Variants in SLC12A5 observed in about 807,000 individuals in gnomAD.
SLC12A5 encodes K-Cl cotransporter 2.
In SLC12A5, 18 loss-of-function variants were observed where a neutral mutation model predicts 124.0. The ratio of observed to expected loss-of-function variants is 0.15; its 90% CI spans 0.10 to 0.22. The LOEUF (loss-of-function observed/expected upper bound fraction) is 0.22, where lower values mean the gene tolerates loss of function less well. Ranked by LOEUF, SLC12A5 falls within the 10% of genes least tolerant of loss-of-function variation. SLC12A5 has a pLI of 1.00. For synonymous variants in SLC12A5, 589 were observed against 568.0 expected, an observed-to-expected ratio of 1.04 and a Z score of -0.53; for missense variants, 867 against 1,478.7, an observed-to-expected ratio of 0.59 and a Z score of 6.78.
rs775623932 is a variant in SLC12A5 at position 46,058,346 on chromosome 20, C to G, written c.*741C>G. 3 of 397,896 alleles carry G rather than the reference C, an allele frequency of 7.5e-6. No homozygotes were observed. The highest frequency in any genetic ancestry group is 1.3e-5 in the Non-Finnish European group (3 of 226,056). 24.6% of individuals were successfully genotyped at this position (397,896 alleles called of 1,614,324 possible). A position where few individuals can be genotyped will look rare whatever the true frequency, so the allele number is the denominator to read the frequency against. On this transcript the variant is annotated 3_prime_UTR_variant, in exon 26 of 26. Coordinates refer to ENST00000243964, the MANE Select transcript of SLC12A5 (RefSeq NM_020708.5). The surrounding 1 kb of genome is among the most constrained non-coding windows in gnomAD (Gnocchi z 5.8). The stretch of plus-strand genomic sequence containing the variant: ...TCCCTCGACACCTCCGTCCTGCTCT[C>G]GCCTCTTCGCCCTTTCCGCGCGCCC...
At position 46,051,887 on chromosome 20, in the gene SLC12A5, C is replaced by A; in HGVS notation, c.2377+17C>A. On this transcript the variant is annotated intron_variant, in intron 18 of 25. Transcript: ENST00000243964. ...ACTTCATTGGTAACGCTATTGGGGG[C>A]TGGGGACAGAAGAGGGGTGGGGCTG... The A allele has an allele frequency of 2.1e-6, 1 of 473,166 alleles. No homozygotes were observed. The highest frequency in any genetic ancestry group is 2.9e-5 in the African/African-American group (1 of 34,592). 29.3% of individuals were successfully genotyped at this position (473,166 alleles called of 1,614,324 possible).
In SLC12A5 at chr20:46,059,563, C is replaced by G; in HGVS notation, c.*1958C>G. The G allele has an allele frequency of 2.5e-6, 1 of 399,046 alleles. No homozygotes were observed. Among genetic ancestry groups the G allele is most frequent in the African/African-American group, 2.1e-5 (1 of 48,734 alleles). The allele number at this position is 399,046 out of a possible 1,614,324, so 24.7% of individuals were successfully genotyped here. ...GTGCAGAAGGGGGCTGTATCAACAT[C>G]AATTAGGGAACCAAAGTTGCACTAT... On this transcript the variant is annotated 3_prime_UTR_variant, in exon 26 of 26. Coordinates refer to ENST00000243964, the MANE Select transcript of SLC12A5 (RefSeq NM_020708.5).
At chr20:46,048,422 GA>G (rs1403857520) in intron 16 of SLC12A5, among the ~76,000 whole-genome samples, 2 of 152,154 alleles carry the variant, frequency 1.3e-5, no homozygotes, top group East Asian at 3.9e-4. Flanking sequence ...GGGGATGTAG[GA>G]AGCTCACAGT....
chr20:46,032,363 T>C (rs2084461463), intron 1 of SLC12A5, among the ~76,000 whole-genome samples: 1 of 152,218 alleles, frequency 6.6e-6, no homozygotes, highest in Non-Finnish European at 1.5e-5. Flanking sequence ...CTGGTTGTCC[T>C]GGCCCTAAGA....
At chr20:46,022,658 C>A (rs76362999) in intron 1 of SLC12A5, 23 of 396,472 alleles carry the variant, frequency 5.8e-5, no homozygotes, top group African/African-American at 4.3e-4. Context: ...ACCCACTTAG[C>A]TCCTTGTCTG....
In SLC12A5 at chr20:46,057,634, C is replaced by T. The variant is rs779634251; in HGVS notation, c.*29C>T. ...CCAGGACCTGCCACCCGGGCCCGAG[C>T]GCGCCCGGCCCGCGGCTCCGGAGCC... On this transcript the variant is annotated 3_prime_UTR_variant, in exon 26 of 26. Transcript: ENST00000243964. The surrounding 1 kb of genome is among the most constrained non-coding windows in gnomAD (Gnocchi z 7.1). The T allele has an allele frequency of 6.4e-7, 1 of 1,574,600 alleles. No individual in the cohort carries two copies. Among genetic ancestry groups the T allele is most frequent in the Non-Finnish European group, 8.7e-7 (1 of 1,153,430 alleles).
intron 1 of SLC12A5, chr20:46,022,762 C>G: frequency 2.5e-6 from 1 of 398,520 alleles, no homozygotes; most frequent in Non-Finnish European, 4.4e-6. Flanking sequence ...ATGGAAGTTA[C>G]ACGCAGGGCA....
rs573652381 is a variant in SLC12A5 at position 46,041,615 on chromosome 20, C to A, written c.1066+75C>A. Reference sequence around the variant, plus strand: ...AGGTTAAGCGGTCAGGATTAAGGGGCCCTCCTTGGGATTCAGCTAAATTCA... The same window carrying A: ...AGGTTAAGCGGTCAGGATTAAGGGGACCTCCTTGGGATTCAGCTAAATTCA... On this transcript the variant is annotated intron_variant, in intron 8 of 25. Transcript: ENST00000243964. The A allele has an allele frequency of 4.0e-6, 6 of 1,485,822 alleles. No homozygotes were observed. In the East Asian group the frequency reaches 6.8e-5, roughly 17 times the overall value. 92.0% of individuals were successfully genotyped at this position (1,485,822 alleles called of 1,614,324 possible).
upstream of SLC12A5, chr20:46,027,679 G>A (rs1177462518): frequency 2.6e-5 from 4 of 152,296 alleles, no homozygotes; most frequent in Admixed American, 6.5e-5. Context: ...ATAATCAGAG[G>A]CTGCTGAGGG....
intron 14 of SLC12A5, 84 bp downstream of exon 14, chr20:46,046,520 G>A (rs1472221212): frequency 9.6e-6 from 12 of 1,253,080 alleles, no homozygotes; most frequent in Non-Finnish European, 1.4e-5. Context: ...CATCCCCTCT[G>A]GGTCTAAGGA....
In SLC12A5 at chr20:46,021,930, G is replaced by A. The variant is rs762370321; in HGVS notation, c.48+44G>A. On this transcript the variant is annotated intron_variant, in intron 1 of 2. Coordinates refer to the SLC12A5 transcript ENST00000413737. ...GGGGCCTGCCAGGGCCGGGCGGGAC[G>A]AGGGGGAGGGGCCGGGGCGGACCGT... 10 of 1,467,642 alleles carry A rather than the reference G, an allele frequency of 6.8e-6. No homozygotes were observed. The African/African-American group carries it at 1.3e-4, about 19-fold the overall frequency. 90.9% of individuals were successfully genotyped at this position (1,467,642 alleles called of 1,614,324 possible). A position where few individuals can be genotyped will look rare whatever the true frequency, so the allele number is the denominator to read the frequency against.
intron 11 of SLC12A5, 37 bp downstream of exon 11, chr20:46,043,970 G>A: frequency 2.6e-6 from 4 of 1,556,774 alleles, no homozygotes; most frequent in Non-Finnish European, 3.5e-6. Context: ...CTGGGGGAGG[G>A]GTGGGTATAG....
At chr20:46,051,910 C>A in intron 18 of SLC12A5, 40 bp downstream of exon 18, 1 of 508,338 alleles carries the variant, frequency 2.0e-6, no homozygotes, top group Non-Finnish European at 3.2e-6. Flanking sequence ...AGGGGTGGGG[C>A]TGGGGGCTGT....
intron 2 of SLC12A5, 93 bp downstream of exon 2, chr20:46,035,135 C>G: frequency 7.9e-7 from 1 of 1,273,450 alleles, no homozygotes; most frequent in Non-Finnish European, 1.1e-6. Context: ...GCAATACCCT[C>G]GTCTCCACCC....
Position 46,045,180 on chromosome 20 carries a change from G to A in SLC12A5, c.1569+40G>A, listed in dbSNP as rs1317854157. ...AGAACAGCCCACCCTCAGTAGACCA[G>A]CCAGGCCCCTGCCCAGAGAGACCAC... On this transcript the variant is annotated intron_variant, in intron 12 of 25. Transcript: ENST00000243964. This position sits in a 1 kb window ranked among gnomAD's most constrained non-coding sequence, Gnocchi z 4.9. 5.2e-6 allele frequency: 8 copies of A among 1,525,598 alleles called. No homozygotes were observed. The highest frequency in any genetic ancestry group is 1.3e-5 in the South Asian group (1 of 78,234). 94.5% of individuals were successfully genotyped at this position (1,525,598 alleles called of 1,614,324 possible).
chr20:46,029,088 A>G, upstream of SLC12A5: 2 of 1,305,566 alleles, frequency 1.5e-6, no homozygotes, highest in Non-Finnish European at 2.0e-6. Context: ...CTCTCCCCCC[A>G]AAACCCCGCC....
chr20:46,054,735 C>T (rs1029555286), intron 20 of SLC12A5, among the ~76,000 whole-genome samples, 181 bp from the exon 21 acceptor site: 1 of 152,212 alleles, frequency 6.6e-6, no homozygotes, highest in African/African-American at 2.4e-5. Flanking sequence ...ATTGCCCTCT[C>T]TGCTACGTCC....
chr20:46,048,888 T>G (rs2084624077), intron 16 of SLC12A5, among the ~76,000 whole-genome samples: 2 of 149,092 alleles, frequency 1.3e-5, no homozygotes. Context: ...AGGGGGAAAT[T>G]GGAGGTCAGA....
At chr20:46,029,173 C>T (rs989014428), upstream of SLC12A5, 11 of 1,422,302 alleles carry the variant, frequency 7.7e-6, no homozygotes, top group African/African-American at 8.9e-5. Context: ...CGGGTGTGAG[C>T]GTGTGTCCGT....
Sources: allele counts gnomAD v4.1 joint callset (sites outside exome capture counted in the v4.1 genomes callset), GRCh38; gene constraint gnomAD v4.1.1; non-coding constraint Gnocchi (gnomAD v3.1); transcripts MANE v1.5; gene names NCBI Gene and HGNC (gene_info 2026-07-23, HGNC 2026-07-21).